Variants in GRHL1 observed in about 807,000 individuals in gnomAD.
GRHL1 encodes the protein grainyhead like transcription factor 1, also known as grainyhead-like protein 1 homolog.
A neutral mutation model predicts 75.7 loss-of-function variants in GRHL1; 38 were observed. The observed-to-expected ratio is 0.50, with a 90% CI of 0.39 to 0.66. The LOEUF (loss-of-function observed/expected upper bound fraction) is 0.66, where lower values mean the gene tolerates loss of function less well. Ranked by LOEUF, GRHL1 falls within the 30% of genes least tolerant of loss-of-function variation. GRHL1 has a pLI of 0.00. For missense variants in GRHL1, 589 were observed against 767.5 expected (o/e 0.77, Z 2.75); for synonymous variants, 266 against 279.4 (o/e 0.95, Z 0.48).
intron 4 of GRHL1, 103 bp from the exon 5 acceptor site, chr2:9,962,352 T>C: frequency 1.5e-6 from 1 of 682,678 alleles, no homozygotes; most frequent in Non-Finnish European, 2.7e-6. Context: ...GAAAGGATAG[T>C]GGGTTGCTGT....
intron 10 of GRHL1, among the ~76,000 whole-genome samples, chr2:9,991,331 A>G (rs1055216185): frequency 1.3e-5 from 2 of 152,134 alleles, no homozygotes; most frequent in African/African-American, 2.4e-5. Context: ...TCTGTAGTAC[A>G]TGGGCTTCTG....
At position 9,963,879 on chromosome 2, in the gene GRHL1, C is replaced by G; in HGVS notation, c.747-7C>G. On this transcript the variant is annotated splice_polypyrimidine_tract_variant and splice_region_variant and intron_variant, in intron 5 of 15. Coordinates refer to ENST00000324907, the MANE Select transcript of GRHL1 (RefSeq NM_198182.3). ...TTTAGAGACCTGTGACTTTTTTTGT[C>G]CTTTAGGAACAACTTTGAATATACC... The G allele has an allele frequency of 6.3e-7, 1 of 1,599,820 alleles. No homozygotes were observed. The highest frequency in any genetic ancestry group is 1.1e-5 in the South Asian group (1 of 88,750).
intron 14 of GRHL1, among the ~76,000 whole-genome samples, chr2:9,996,926 G>A (rs1402003915): frequency 6.6e-6 from 1 of 152,234 alleles, no homozygotes; most frequent in East Asian, 1.9e-4. Context: ...CATGCTCCCT[G>A]TGGGGATATC....
intron 14 of GRHL1, among the ~76,000 whole-genome samples, chr2:9,998,092 T>C (rs923354308): frequency 2.6e-5 from 4 of 152,174 alleles, no homozygotes; most frequent in Non-Finnish European, 5.9e-5. Flanking sequence ...GTTTGCCACC[T>C]GAGGCTCTGT....
intron 8 of GRHL1, among the ~76,000 whole-genome samples, chr2:9,979,347 G>A (rs1304601592): frequency 2.0e-5 from 3 of 150,932 alleles, no homozygotes; most frequent in East Asian, 2.0e-4. Context: ...CCATACTCCC[G>A]CCTTGGCCTC....
chr2:9,953,659 A>T (rs952806849), intron 1 of GRHL1, among the ~76,000 whole-genome samples: 1 of 151,672 alleles, frequency 6.6e-6, no homozygotes, highest in African/African-American at 2.4e-5. Flanking sequence ...TTTTTTGAAG[A>T]TGTTCTCCTT....
chr2:9,993,773 G>A (rs896895629), intron 12 of GRHL1, among the ~76,000 whole-genome samples: 3 of 152,142 alleles, frequency 2.0e-5, no homozygotes, highest in Non-Finnish European at 4.4e-5. Flanking sequence ...GGTGTTCTTT[G>A]GTCACTTGAT....
intron 14 of GRHL1, among the ~76,000 whole-genome samples, chr2:9,998,262 G>A (rs1046189743): frequency 4.6e-5 from 7 of 151,580 alleles, no homozygotes; most frequent in African/African-American, 1.7e-4. Context: ...ATTAAAAATA[G>A]CCTCTATGTC....
At position 9,992,542 on chromosome 2, in the gene GRHL1, T is replaced by G. The variant is rs1668687462; in HGVS notation, c.1461+396T>G. 6.6e-6 allele frequency among the ~76,000 whole-genome samples: 1 copy of G among 152,204 alleles called. No individual in the cohort carries two copies. The highest frequency in any genetic ancestry group is 6.5e-5 in the Admixed American group (1 of 15,286). ...ACATAAGAACATCCGAAGGCTTTTC[T>G]CACAGTTCCAGTTACTGAGCCGTCC... On this transcript the variant is annotated intron_variant, in intron 11 of 15. Transcript: ENST00000324907. The surrounding 1 kb of genome is among the most constrained non-coding windows in gnomAD (Gnocchi z 4.6).
In GRHL1 at chr2:9,961,257, C is replaced by T. The variant is rs1572338585; in HGVS notation, c.490C>T (p.His164Tyr). 5.0e-6 allele frequency: 8 copies of T among 1,614,204 alleles called. No individual in the cohort carries two copies. The African/African-American group carries it at 6.7e-5, about 13-fold the overall frequency. ...CTCCATCAAGACAGAAACCCAGCCA[C>T]ATGGCTTCGCTGTGGGAATCCCCCC... ...THSIKTETQP[H>Y]GFAVGIPPAV... The change falls in exon 4 of 16, where the codon CAT becomes TAT. Residue 164 changes from histidine (H) to tyrosine (Y), a missense_variant. His to Tyr is a moderately conservative substitution (Grantham distance 83). Coordinates refer to ENST00000324907, the MANE Select transcript of GRHL1 (RefSeq NM_198182.3).
rs768534112 is a variant in GRHL1 at position 9,954,893 on chromosome 2, T to C, written c.21-22T>C. 117 of 1,602,534 alleles carry C rather than the reference T, an allele frequency of 7.3e-5. 2 individuals are homozygous for C. In the South Asian group the frequency reaches 1.2e-3, roughly 17 times the overall value. The stretch of plus-strand genomic sequence containing the variant: ...GCAGTAGAAAAGTGTGTGTTTTTGT[T>C]TTTTTTTTAATTTCTCTGAAGCAAA... On this transcript the variant is annotated intron_variant, in intron 1 of 15. Coordinates refer to ENST00000324907, the MANE Select transcript of GRHL1 (RefSeq NM_198182.3).
chr2:9,982,484 G>C (rs955201427), intron 8 of GRHL1, among the ~76,000 whole-genome samples: 1 of 152,198 alleles, frequency 6.6e-6, no homozygotes, highest in Non-Finnish European at 1.5e-5. Flanking sequence ...TCTGACATCC[G>C]TATGTTTTAA....
intron 15 of GRHL1, 35 bp from the exon 16 acceptor site, chr2:10,000,558 A>C (rs773022371): frequency 8.3e-7 from 1 of 1,201,442 alleles, no homozygotes; most frequent in East Asian, 2.3e-5. Context: ...ACCAAGTGGC[A>C]GTGAAGTTGG....
At position 10,001,362 on chromosome 2, in the gene GRHL1, A is replaced by G. The variant is rs1669262260; in HGVS notation, c.*655A>G. 1 of 152,680 alleles carries G rather than the reference A, an allele frequency of 6.5e-6. No homozygotes were observed. The highest frequency in any genetic ancestry group is 1.9e-4 in the East Asian group (1 of 5,206). 9.5% of individuals were successfully genotyped at this position (152,680 alleles called of 1,614,324 possible). On this transcript the variant is annotated 3_prime_UTR_variant, in exon 16 of 16. Coordinates refer to ENST00000324907, the MANE Select transcript of GRHL1 (RefSeq NM_198182.3). ...CAGTTAAGATAAAGCTGCATTGTATATAAGTGCAATATATTTTTGAAGGTC... is the reference window on the plus strand; with the variant it reads ...CAGTTAAGATAAAGCTGCATTGTATGTAAGTGCAATATATTTTTGAAGGTC...
At chr2:9,952,190 G>C (rs563374747) in intron 1 of GRHL1, among the ~76,000 whole-genome samples, 13 of 152,074 alleles carry the variant, frequency 8.5e-5, no homozygotes, top group Admixed American at 6.5e-4. Flanking sequence ...GCGCGAGGTC[G>C]GGGCGCAGCC....
At chr2:9,952,019 C>T (rs1335574476) in intron 1 of GRHL1, among the ~76,000 whole-genome samples, 166 bp downstream of exon 1, 4 of 151,692 alleles carry the variant, frequency 2.6e-5, no homozygotes, top group African/African-American at 9.7e-5. Flanking sequence ...TGCCCCTTAG[C>T]CCTGCCGTGC....
rs139400605 is a variant in GRHL1 at position 9,967,592 on chromosome 2, G to A, written c.1110+2211G>A. Among the ~76,000 whole-genome samples, 323 of 150,952 alleles carry A rather than the reference G, an allele frequency of 2.1e-3. 5 individuals carry two copies. The highest frequency in any genetic ancestry group is 0.01 in the Middle Eastern group (3 of 292). ...TTTAAGCCTTTGCCTGCCGCCAGAA[G>A]GGTGTTGTGCCATTTCTTAATGAGG... On this transcript the variant is annotated intron_variant, in intron 8 of 15. Transcript: ENST00000324907.
chr2:9,991,336 C>T (rs896538771), intron 10 of GRHL1, among the ~76,000 whole-genome samples: 12 of 152,056 alleles, frequency 7.9e-5, no homozygotes, highest in African/African-American at 2.9e-4. Flanking sequence ...AGTACATGGG[C>T]TTCTGGCAGC....
In GRHL1 at chr2:10,000,698, G is replaced by A. The variant is rs199884853; in HGVS notation, c.1848G>A (p.Thr616=). 5.1e-5 allele frequency: 81 copies of A among 1,591,418 alleles called. 2 individuals are homozygous for A. The Admixed American group carries it at 8.7e-4, about 17-fold the overall frequency. The change falls in exon 16 of 16, where the codon ACG becomes ACA. Residue 616 remains threonine, a synonymous_variant. Transcript: ENST00000324907. ...EAGGSYKLTL[T]EI The stretch of plus-strand genomic sequence containing the variant: ...GGGGGTCTTACAAGCTCACCCTGAC[G>A]GAGATCTAAAGGCCTGCGGGCCACA...
Sources: gnomAD v4.1 joint callset for allele counts (sites outside exome capture counted in the v4.1 genomes callset) on GRCh38, gnomAD v4.1.1 for gene constraint, Gnocchi (gnomAD v3.1) non-coding constraint, MANE v1.5 for transcripts, NCBI Gene and HGNC (gene_info 2026-07-23, HGNC 2026-07-21) for gene names.